KCNIP4: variants seen among roughly 807,000 people sequenced by gnomAD.
KCNIP4 encodes the protein potassium voltage-gated channel interacting protein 4.
A neutral mutation model predicts 34.0 loss-of-function variants in KCNIP4; 12 were observed. The ratio of observed to expected loss-of-function variants is 0.35; its 90% confidence interval spans 0.23 to 0.57. KCNIP4 has a LOEUF of 0.57. Among genes scored for constraint, KCNIP4 ranks in the 20% least tolerant of loss-of-function variants. KCNIP4 has a pLI of 0.83. For missense variants in KCNIP4, 238 were observed against 311.7 expected (o/e 0.76, Z 1.78); for synonymous variants, 124 against 102.2 (o/e 1.21, Z -1.29).
chr4:20,908,098 CTT>C lies in KCNIP4; in HGVS notation c.62-25391_62-25390del, dbSNP rs11364819. ...CTCTATTGCAGAGCCTGTCATCATT[CTT>C]TTTTTTTTTTTTTTTTTGAGACAGA... On this transcript the variant is annotated intron_variant, in intron 1 of 8. Coordinates refer to ENST00000382152, the MANE Select transcript of KCNIP4 (RefSeq NM_025221.6). 2.5e-3 allele frequency among the ~76,000 whole-genome samples: 274 copies of C among 109,096 alleles called. 1 individual carries two copies. Among genetic ancestry groups the C allele is most frequent in the East Asian group, 5.7e-3 (19 of 3,336 alleles). 71.6% of individuals were successfully genotyped at this position (109,096 alleles called of 152,430 possible). A position where few individuals can be genotyped will look rare whatever the true frequency, so the allele number is the denominator to read the frequency against.
intron 1 of KCNIP4, among the ~76,000 whole-genome samples, chr4:21,794,260 C>T (rs1720489646): frequency 6.6e-6 from 1 of 151,204 alleles, no homozygotes; most frequent in Admixed American, 6.6e-5. Flanking sequence ...TACCCCAAAA[C>T]TTAAAGTATA....
chr4:20,907,695 T>C (rs139224295), intron 1 of KCNIP4, among the ~76,000 whole-genome samples: 147 of 152,274 alleles, frequency 9.7e-4, no homozygotes, highest in African/African-American at 3.3e-3. Context: ...TTGATTTTTG[T>C]GCTGTTGTTA....
At chr4:20,789,997 G>C (rs932439981) in intron 3 of KCNIP4, among the ~76,000 whole-genome samples, 3 of 152,012 alleles carry the variant, frequency 2.0e-5, no homozygotes, top group African/African-American at 7.2e-5. Context: ...CTGAGAAATA[G>C]GTCATTAGGT....
chr4:20,847,199 C>T (rs1349339698), intron 3 of KCNIP4, among the ~76,000 whole-genome samples: 1 of 152,096 alleles, frequency 6.6e-6, no homozygotes, highest in Non-Finnish European at 1.5e-5. Context: ...TAAAAAAGTG[C>T]AATCTAGTTA....
At chr4:21,762,496 G>T (rs551105432) in intron 1 of KCNIP4, among the ~76,000 whole-genome samples, 1 of 152,176 alleles carries the variant, frequency 6.6e-6, no homozygotes, top group African/African-American at 2.4e-5. Flanking sequence ...TACACTGCTA[G>T]GCTCAATAAA....
intron 1 of KCNIP4, among the ~76,000 whole-genome samples, chr4:21,798,441 G>T (rs1224040910): frequency 8.1e-6 from 1 of 123,542 alleles, no homozygotes; most frequent in Non-Finnish European, 1.9e-5. Context: ...TGGGTGTGGT[G>T]GCACACATCT....
At chr4:21,399,353 T>C (rs1310622086) in intron 1 of KCNIP4, among the ~76,000 whole-genome samples, 1 of 152,166 alleles carries the variant, frequency 6.6e-6, no homozygotes, top group Admixed American at 6.5e-5. Flanking sequence ...CCTCACAGGA[T>C]GTGATGCAGG....
intron 1 of KCNIP4, among the ~76,000 whole-genome samples, chr4:21,411,759 G>A (rs1404826355): frequency 6.6e-6 from 1 of 152,126 alleles, no homozygotes; most frequent in South Asian, 2.1e-4. Flanking sequence ...GATCACTTGA[G>A]CCCAGGAGGT....
chr4:20,746,666 T>C (rs1240011995), intron 5 of KCNIP4, among the ~76,000 whole-genome samples: 2 of 152,214 alleles, frequency 1.3e-5, no homozygotes, highest in Non-Finnish European at 2.9e-5. Flanking sequence ...GTAGCTTTGA[T>C]TGCTGATGTT....
intron 1 of KCNIP4, among the ~76,000 whole-genome samples, chr4:21,318,795 T>C (rs1290553631): frequency 6.6e-6 from 1 of 152,148 alleles, no homozygotes; most frequent in Non-Finnish European, 1.5e-5. Flanking sequence ...TCCTGCAGTT[T>C]TACAAGGTTA....
Position 21,648,013 on chromosome 4 carries a change from A to G in KCNIP4, c.61+300558T>C, listed in dbSNP as rs550437678. Among the ~76,000 whole-genome samples the G allele has an allele frequency of 1.8e-4, 28 of 151,506 alleles. 1 individual carries two copies. In the South Asian group the frequency reaches 5.7e-3, roughly 31 times the overall value. On this transcript the variant is annotated intron_variant, in intron 1 of 8. Transcript: ENST00000382152. The stretch of plus-strand genomic sequence containing the variant: ...CTCAGCCTCCCTAGTAGCTGGGACT[A>G]CAGACGCTCGCCACCACGCCCAGCT...
At chr4:21,529,063 G>A (rs951579109) in intron 1 of KCNIP4, among the ~76,000 whole-genome samples, 7 of 152,030 alleles carry the variant, frequency 4.6e-5, no homozygotes, top group Non-Finnish European at 8.8e-5. Context: ...CCTGCCCAGA[G>A]CATGAAGGAA....
At chr4:21,527,955 G>A (rs1438420042) in intron 1 of KCNIP4, among the ~76,000 whole-genome samples, 1 of 152,136 alleles carries the variant, frequency 6.6e-6, no homozygotes, top group Non-Finnish European at 1.5e-5. Flanking sequence ...CCCATTAATA[G>A]AAGCTGGAAC....
intron 1 of KCNIP4, among the ~76,000 whole-genome samples, chr4:21,559,990 G>T (rs1739383413): frequency 6.6e-6 from 1 of 151,950 alleles, no homozygotes; most frequent in Non-Finnish European, 1.5e-5. Flanking sequence ...GCCCTTACTT[G>T]ATCTATTTCA....
intron 1 of KCNIP4, among the ~76,000 whole-genome samples, chr4:20,929,474 G>A (rs1319653357): frequency 1.3e-5 from 2 of 151,960 alleles, no homozygotes; most frequent in Non-Finnish European, 2.9e-5. Context: ...AAGATCCAGT[G>A]CAAAGCACAA....
At chr4:21,735,375 A>G (rs1715914984) in intron 1 of KCNIP4, among the ~76,000 whole-genome samples, 1 of 152,228 alleles carries the variant, frequency 6.6e-6, no homozygotes, top group Admixed American at 6.5e-5. Context: ...AACAAAGATT[A>G]CAAATACTTA....
intron 1 of KCNIP4, among the ~76,000 whole-genome samples, chr4:21,212,999 G>T (rs1757330984): frequency 6.6e-6 from 1 of 152,072 alleles, no homozygotes; most frequent in Admixed American, 6.6e-5. Context: ...ATTTGAAAAA[G>T]CTTTTTAGGA....
At chr4:21,827,068 A>T (rs1343741152) in intron 1 of KCNIP4, among the ~76,000 whole-genome samples, 2 of 151,590 alleles carry the variant, frequency 1.3e-5, no homozygotes, top group Non-Finnish European at 2.9e-5. Context: ...AATATAGTAG[A>T]TCCCCCCTAA....
chr4:20,784,028 A>G (rs953609673), intron 3 of KCNIP4, among the ~76,000 whole-genome samples: 1 of 152,198 alleles, frequency 6.6e-6, no homozygotes, highest in Admixed American at 6.5e-5. Flanking sequence ...TCTCTGAGGC[A>G]TCACAGGGTT....
Sources: allele counts gnomAD v4.1 joint callset (sites outside exome capture counted in the v4.1 genomes callset), GRCh38; gene constraint gnomAD v4.1.1; transcripts MANE v1.5; gene names NCBI Gene and HGNC (gene_info 2026-07-23, HGNC 2026-07-21).